ARHGAP39: variants seen among roughly 807,000 people sequenced by gnomAD.
ARHGAP39 encodes rho GTPase-activating protein 39.
In ARHGAP39, 44 loss-of-function variants were observed where a neutral mutation model predicts 106.9. The observed-to-expected ratio is 0.41, with a 90% CI of 0.32 to 0.53. The LOEUF is 0.53. Ranked by LOEUF, ARHGAP39 falls within the 20% of genes least tolerant of loss-of-function variation. The probability of loss-of-function intolerance (pLI) is 0.21; values close to 1 mark genes in which losing one functional copy is unlikely to be tolerated. For synonymous variants in ARHGAP39, 768 were observed against 693.2 expected (o/e 1.11, Z -1.69); for missense variants, 1,496 against 1,577.3 (o/e 0.95, Z 0.87).
intron 1 of ARHGAP39, among the ~76,000 whole-genome samples, chr8:144,620,689 C>A (rs1820782124): frequency 6.6e-6 from 1 of 152,262 alleles, no homozygotes; most frequent in Non-Finnish European, 1.5e-5. Flanking sequence ...TGGCTCCAAA[C>A]CCAATTCAGG....
Position 144,545,360 on chromosome 8 carries a change from C to A in ARHGAP39, c.2410G>T (p.Gly804Cys). 6.3e-7 allele frequency: 1 copy of A among 1,595,734 alleles called. No homozygotes were observed. The highest frequency in any genetic ancestry group is 8.6e-7 in the Non-Finnish European group (1 of 1,168,306). Residue 804 changes from glycine (G) to cysteine (C), a missense_variant, in exon 6 of 12, where the codon GGC becomes TGC. Coordinates refer to ENST00000377307, the MANE Select transcript of ARHGAP39 (RefSeq NM_025251.3). The part of the protein sequence containing the change: ...ENFRLESLAR[G>C]WELMAICLAF... ...AGGCAGATGGCCATGAGCTCCCAGC[C>A]GCGGGCCAGGCTCTCCAGGCGGAAG... is the stretch of plus-strand genomic sequence containing the variant.
chr8:144,592,768 A>G (rs1819455244), intron 2 of ARHGAP39, among the ~76,000 whole-genome samples: 1 of 152,214 alleles, frequency 6.6e-6, no homozygotes, highest in African/African-American at 2.4e-5. Context: ...AGAAAGGCAC[A>G]GGCTTCAGAC....
chr8:144,560,159 C>A (rs898606381), intron 3 of ARHGAP39, among the ~76,000 whole-genome samples: 1 of 152,216 alleles, frequency 6.6e-6, no homozygotes. Context: ...ACTTGCCGGG[C>A]ACAGTGACTC....
At chr8:144,541,462 A>G (rs1362936118) in intron 6 of ARHGAP39, among the ~76,000 whole-genome samples, 1 of 152,262 alleles carries the variant, frequency 6.6e-6, no homozygotes, top group Non-Finnish European at 1.5e-5. Flanking sequence ...ACATTGTTGT[A>G]CAACTATCAC....
chr8:144,577,201 G>T (rs1386105230), intron 3 of ARHGAP39, among the ~76,000 whole-genome samples: 1 of 152,158 alleles, frequency 6.6e-6, no homozygotes, highest in African/African-American at 2.4e-5. Context: ...TGGATCATAT[G>T]AAAGCCCACA....
chr8:144,580,085 G>A (rs562295868), intron 3 of ARHGAP39, among the ~76,000 whole-genome samples: 12 of 151,950 alleles, frequency 7.9e-5, no homozygotes, highest in East Asian at 3.9e-4. Context: ...CTCTGGACTC[G>A]CTTCCCACGG....
chr8:144,589,990 C>G (rs954573166), intron 2 of ARHGAP39, among the ~76,000 whole-genome samples: 1 of 152,260 alleles, frequency 6.6e-6, no homozygotes, highest in African/African-American at 2.4e-5. Context: ...CGCCCTGACC[C>G]TGGTGCCAAC....
chr8:144,633,783 A>G (rs1444632713), intron 1 of ARHGAP39, among the ~76,000 whole-genome samples: 1 of 152,076 alleles, frequency 6.6e-6, no homozygotes, highest in Non-Finnish European at 1.5e-5. Context: ...TCCAGGGCTC[A>G]CTCCTATCTC....
intron 1 of ARHGAP39, among the ~76,000 whole-genome samples, chr8:144,606,018 G>C (rs566379809): frequency 6.6e-6 from 1 of 152,330 alleles, no homozygotes; most frequent in South Asian, 2.1e-4. Context: ...CCGTGGGACC[G>C]TAGGACTGGA....
chr8:144,643,175 A>G (rs955110934), intron 1 of ARHGAP39, among the ~76,000 whole-genome samples: 1 of 152,028 alleles, frequency 6.6e-6, no homozygotes, highest in Non-Finnish European at 1.5e-5. Flanking sequence ...TCTCCACCGT[A>G]TTAAGAGATG....
At chr8:144,568,148 A>G (rs1367431772) in intron 3 of ARHGAP39, among the ~76,000 whole-genome samples, 1 of 151,952 alleles carries the variant, frequency 6.6e-6, no homozygotes, top group East Asian at 1.9e-4. Context: ...CCTGGCCAAC[A>G]TGGTGAACTC....
chr8:144,599,495 A>G (rs1375978824), intron 2 of ARHGAP39, among the ~76,000 whole-genome samples: 3 of 152,264 alleles, frequency 2.0e-5, no homozygotes, highest in African/African-American at 7.2e-5. Flanking sequence ...CCCAGGAGAT[A>G]AACAGAAAAC....
intron 1 of ARHGAP39, among the ~76,000 whole-genome samples, chr8:144,639,348 AAG>A (rs902361016): frequency 3.3e-5 from 5 of 151,704 alleles, no homozygotes; most frequent in African/African-American, 1.2e-4. Context: ...AAAAGAAAGA[AAG>A]AAAGAAAGAA....
intron 1 of ARHGAP39, among the ~76,000 whole-genome samples, chr8:144,655,691 C>T (rs1395655102): frequency 6.6e-6 from 1 of 152,178 alleles, no homozygotes; most frequent in Admixed American, 6.5e-5. Context: ...GGCTTCTCTT[C>T]ATCTTGCTCA....
chr8:144,609,938 A>C (rs746046973), intron 1 of ARHGAP39, among the ~76,000 whole-genome samples: 1 of 152,224 alleles, frequency 6.6e-6, no homozygotes, highest in Non-Finnish European at 1.5e-5. Context: ...GATTCCAGTG[A>C]AGCCAGATGG....
chr8:144,686,885 C>G (rs1325617435), upstream of ARHGAP39, among the ~76,000 whole-genome samples: 1 of 151,376 alleles, frequency 6.6e-6, no homozygotes, highest in Non-Finnish European at 1.5e-5. Context: ...TGACAACACA[C>G]TGGCGGCGAG....
intron 8 of ARHGAP39, 69 bp from the exon 9 acceptor site, chr8:144,533,394 C>G (rs115224928): frequency 1.3e-6 from 2 of 1,501,708 alleles, no homozygotes; most frequent in African/African-American, 2.8e-5. Flanking sequence ...CCCCGGTTGT[C>G]TTCTTTCCCC....
chr8:144,640,294 G>C (rs1261937325), intron 1 of ARHGAP39, among the ~76,000 whole-genome samples: 1 of 152,144 alleles, frequency 6.6e-6, no homozygotes, highest in Non-Finnish European at 1.5e-5. Flanking sequence ...ATCTCATTTT[G>C]TAGCTCCCAT....
rs138220220 is a variant in ARHGAP39 at position 144,680,991 on chromosome 8, C to T, written c.-82+4695G>A. 4.7e-3 allele frequency among the ~76,000 whole-genome samples: 720 copies of T among 152,226 alleles called. 6 individuals are homozygous for T. Among genetic ancestry groups the T allele is most frequent in the African/African-American group, 0.016 (674 of 41,498 alleles). ...CCAACACGAGTTTTAGGGAAGACTA[C>T]CCCTGCAAAATCCTGGTCTCAGGTG... On this transcript the variant is annotated intron_variant, in intron 1 of 11. Coordinates refer to ENST00000377307, the MANE Select transcript of ARHGAP39 (RefSeq NM_025251.3).
Sources: gnomAD v4.1 joint callset for allele counts (sites outside exome capture counted in the v4.1 genomes callset) on GRCh38, gnomAD v4.1.1 for gene constraint, MANE v1.5 for transcripts, NCBI Gene and HGNC (gene_info 2026-07-23, HGNC 2026-07-21) for gene names.